The following PRKAA2 variants were observed in gnomAD, a reference collection of about 807,000 sequenced individuals.
PRKAA2 encodes the protein 5'-AMP-activated protein kinase catalytic subunit alpha-2.
A neutral mutation model predicts 56.3 loss-of-function variants in PRKAA2; 40 were observed. The ratio of observed to expected loss-of-function variants is 0.71; its 90% confidence interval spans 0.55 to 0.92. The LOEUF (loss-of-function observed/expected upper bound fraction) is 0.92, where lower values mean the gene tolerates loss of function less well. PRKAA2 is among the 40% of genes least tolerant of loss of function. The pLI is 0.00. For missense variants in PRKAA2, 542 were observed against 686.9 expected (o/e 0.79, Z 2.36); for synonymous variants, 214 against 234.2 (o/e 0.91, Z 0.79).
intron 2 of PRKAA2, among the ~76,000 whole-genome samples, chr1:56,681,581 C>G (rs1046508591): frequency 3.9e-5 from 6 of 152,182 alleles, no homozygotes; most frequent in African/African-American, 1.4e-4. Flanking sequence ...ATATGGCTAG[C>G]CAATTTTCCC....
chr1:56,653,654 T>G (rs1643919998), intron 1 of PRKAA2, among the ~76,000 whole-genome samples: 2 of 152,206 alleles, frequency 1.3e-5, no homozygotes, highest in South Asian at 4.1e-4. Context: ...GACACCATTA[T>G]GTACTTAAAC....
rs781236377 is a variant in PRKAA2 at position 56,645,445 on chromosome 1, G to A, written c.58G>A (p.Asp20Asn). The change falls in exon 1 of 9, where the codon GAC (aspartate) becomes AAC (asparagine). Residue 20 changes from aspartate (D) to asparagine (N), a missense_variant. By Grantham distance (23) the Asp-to-Asn change is conservative. This residue lies in a region of PRKAA2 where 59 missense variants were observed against 53.9 expected (regional missense o/e 1.09). Coordinates refer to ENST00000371244, the MANE Select transcript of PRKAA2 (RefSeq NM_006252.4). Reference protein sequence around the residue: ...RVKIGHYVLGDTLGVGTFGKV... With the variant: ...RVKIGHYVLGNTLGVGTFGKV... Reference sequence around the variant, plus strand: ...GAAGATCGGACACTACGTGCTGGGCGACACGCTGGGCGTCGGCACCTTCGG... The same window carrying A: ...GAAGATCGGACACTACGTGCTGGGCAACACGCTGGGCGTCGGCACCTTCGG... 57 of 1,514,366 alleles carry A rather than the reference G, an allele frequency of 3.8e-5. No individual in the cohort carries two copies. Among genetic ancestry groups the A allele is most frequent in the Non-Finnish European group, 4.8e-5 (54 of 1,125,594 alleles). The allele number at this position is 1,514,366 out of a possible 1,614,324, so 93.8% of individuals were successfully genotyped here.
intron 1 of PRKAA2, among the ~76,000 whole-genome samples, chr1:56,672,823 G>A (rs1177536427): frequency 6.6e-6 from 1 of 152,118 alleles, no homozygotes; most frequent in African/African-American, 2.4e-5. Flanking sequence ...TAGGGATGGT[G>A]ATAAGGGAGG....
rs1168665231 is a variant in PRKAA2, at chr1:56,709,212, T to G, written c.*1499T>G. The stretch of plus-strand genomic sequence containing the variant: ...TTCTCTTTGCCAAAAGTAATGTATG[T>G]TCTGCCAAGAAGCAAATGAGAATGT... On this transcript the variant is annotated 3_prime_UTR_variant, in exon 9 of 9. Transcript: ENST00000371244. 1 of 152,194 alleles carries G rather than the reference T, an allele frequency of 6.6e-6. No homozygotes were observed. The highest frequency in any genetic ancestry group is 2.4e-5 in the African/African-American group (1 of 41,464). The allele number at this position is 152,194 out of a possible 1,614,324, so 9.4% of individuals were successfully genotyped here.
intron 1 of PRKAA2, among the ~76,000 whole-genome samples, chr1:56,647,020 G>C (rs940676654): frequency 3.9e-5 from 6 of 152,206 alleles, no homozygotes; most frequent in Non-Finnish European, 8.8e-5. Context: ...AGGGAAGATA[G>C]AGAGTCTTGT....
intron 2 of PRKAA2, among the ~76,000 whole-genome samples, chr1:56,689,700 G>A (rs556884385): frequency 6.6e-6 from 1 of 152,160 alleles, no homozygotes; most frequent in Admixed American, 6.5e-5. Flanking sequence ...AGCCTGAGTG[G>A]CAGAGCAAGA....
Position 56,697,999 on chromosome 1 carries a change from CT to C in PRKAA2, c.788+1845del, listed in dbSNP as rs367667531. Reference sequence around the variant, plus strand: ...GATAACTTGAATCTATAGTTTTCATCTTTTTAAATTTATGTCATATATATAT... The same window carrying C: ...GATAACTTGAATCTATAGTTTTCATCTTTTAAATTTATGTCATATATATAT... On this transcript the variant is annotated intron_variant, in intron 6 of 8. Coordinates refer to ENST00000371244, the MANE Select transcript of PRKAA2 (RefSeq NM_006252.4). 4.8e-4 allele frequency among the ~76,000 whole-genome samples: 71 copies of C among 149,012 alleles called. No homozygotes were observed. The East Asian group carries it at 0.01, about 21-fold the overall frequency.
chr1:56,702,416 A>G (rs1443457160), intron 6 of PRKAA2, among the ~76,000 whole-genome samples: 1 of 152,162 alleles, frequency 6.6e-6, no homozygotes, highest in Non-Finnish European at 1.5e-5. Flanking sequence ...TTTCTATACC[A>G]CAAACAAAAT....
At position 56,687,965 on chromosome 1, in the gene PRKAA2, T is replaced by A. The variant is rs908712638; in HGVS notation, c.237-3429T>A. ...AATTAGAAATGCTGTTTCTGAAAAATTTTTAAACTACATTAGTTTATTTCT... is the reference window on the plus strand; with the variant it reads ...AATTAGAAATGCTGTTTCTGAAAAAATTTTAAACTACATTAGTTTATTTCT... On this transcript the variant is annotated intron_variant, in intron 2 of 8. Transcript: ENST00000371244. Among the ~76,000 whole-genome samples the A allele has an allele frequency of 3.3e-5, 5 of 152,314 alleles. No homozygotes were observed. The East Asian group carries it at 5.8e-4, about 18-fold the overall frequency.
At chr1:56,684,866 T>C (rs1221277744) in intron 2 of PRKAA2, among the ~76,000 whole-genome samples, 3 of 151,794 alleles carry the variant, frequency 2.0e-5, no homozygotes, top group Admixed American at 2.0e-4. Flanking sequence ...CTAAACAAGG[T>C]TAGCTTTTTA....
intron 1 of PRKAA2, among the ~76,000 whole-genome samples, chr1:56,664,109 A>G (rs1644016006): frequency 6.6e-6 from 1 of 152,146 alleles, no homozygotes. Flanking sequence ...ACACAAAACA[A>G]AAAACTCTTC....
chr1:56,663,374 C>T lies in PRKAA2; in HGVS notation c.95-11007C>T, dbSNP rs12735708. ...AAGTGTTGGGATTCACAGGTGTGAG[C>T]CACTGCGCCTAGCCCACCTTTGCTC... is the stretch of plus-strand genomic sequence containing the variant. On this transcript the variant is annotated intron_variant, in intron 1 of 8. Coordinates refer to ENST00000371244, the MANE Select transcript of PRKAA2 (RefSeq NM_006252.4). Among the ~76,000 whole-genome samples the T allele has an allele frequency of 5.1e-3, 782 of 152,324 alleles. 4 individuals carry two copies. Among genetic ancestry groups the T allele is most frequent in the Non-Finnish European group, 8.0e-3 (546 of 68,038 alleles).
At position 56,671,853 on chromosome 1, in the gene PRKAA2, T is replaced by TTA. The variant is rs556848991; in HGVS notation, c.95-2528_95-2527insTA. Among the ~76,000 whole-genome samples, 218 of 152,260 alleles carry TTA rather than the reference T, an allele frequency of 1.4e-3. 2 individuals carry two copies. The highest frequency in any genetic ancestry group is 5.0e-3 in the South Asian group (24 of 4,816). On this transcript the variant is annotated intron_variant, in intron 1 of 8. Coordinates refer to ENST00000371244, the MANE Select transcript of PRKAA2 (RefSeq NM_006252.4). Reference sequence around the variant, plus strand: ...CTATACACTGGAGGGTAATAATACTTCATAGAGTTGAGAGAGCAGGGAAGC... The same window carrying TTA: ...CTATACACTGGAGGGTAATAATACTTTACATAGAGTTGAGAGAGCAGGGAAGC...
intron 2 of PRKAA2, among the ~76,000 whole-genome samples, chr1:56,684,357 G>A (rs1644176132): frequency 6.6e-6 from 1 of 152,048 alleles, no homozygotes; most frequent in Admixed American, 6.6e-5. Flanking sequence ...GGAGTTCAGG[G>A]GAGAGGTGTA....
intron 2 of PRKAA2, among the ~76,000 whole-genome samples, chr1:56,676,851 G>A (rs142271827): frequency 1.6e-4 from 25 of 152,202 alleles, no homozygotes; most frequent in Middle Eastern, 3.4e-3. Flanking sequence ...GTGGATGACC[G>A]GTGATGACTC....
At chr1:56,681,829 G>C (rs915639320) in intron 2 of PRKAA2, among the ~76,000 whole-genome samples, 3 of 152,140 alleles carry the variant, frequency 2.0e-5, no homozygotes, top group African/African-American at 2.4e-5. Context: ...GGCTTGTCTT[G>C]GCAATGTGGG....
chr1:56,663,149 A>G (rs1021983000), intron 1 of PRKAA2, among the ~76,000 whole-genome samples: 5 of 152,180 alleles, frequency 3.3e-5, no homozygotes, highest in Admixed American at 2.0e-4. Flanking sequence ...GCTGGAGGGC[A>G]GTGGCGCAAT....
intron 6 of PRKAA2, among the ~76,000 whole-genome samples, chr1:56,701,142 A>G (rs1204107009): frequency 6.6e-6 from 1 of 152,086 alleles, no homozygotes; most frequent in Non-Finnish European, 1.5e-5. Context: ...GGAATAATAG[A>G]TTTTTTGAGT....
chr1:56,657,402 G>A (rs528853390), intron 1 of PRKAA2, among the ~76,000 whole-genome samples: 37 of 152,176 alleles, frequency 2.4e-4, no homozygotes, highest in Non-Finnish European at 5.4e-4. Context: ...GGTAAGCTGG[G>A]CGTGGTGGCT....
Sources: gnomAD v4.1 joint callset for allele counts (sites outside exome capture counted in the v4.1 genomes callset) on GRCh38, gnomAD v4.1.1 for gene constraint, gnomAD v4.1.1 regional missense constraint, MANE v1.5 for transcripts, NCBI Gene and HGNC (gene_info 2026-07-23, HGNC 2026-07-21) for gene names.